The following IGF1R variants were observed in gnomAD, a reference collection of about 807,000 sequenced individuals.
IGF1R encodes the protein insulin like growth factor 1 receptor.
Under a neutral mutation model 144.6 loss-of-function variants are expected in IGF1R, and 44 were observed. The ratio of observed to expected loss-of-function variants is 0.30; its 90% confidence interval spans 0.24 to 0.39. The LOEUF is 0.39. Among genes scored for constraint, IGF1R ranks in the 10% least tolerant of loss-of-function variants. The pLI is 1.00. For synonymous variants in IGF1R, 795 were observed against 722.8 expected, an observed-to-expected ratio of 1.10 and a Z score of -1.60; for missense variants, 1,355 against 1,833.7, an observed-to-expected ratio of 0.74 and a Z score of 4.77.
intron 8 of IGF1R, among the ~76,000 whole-genome samples, chr15:98,915,510 C>T (rs552504392): frequency 1.3e-5 from 2 of 152,316 alleles, no homozygotes; most frequent in Non-Finnish European, 2.9e-5. Context: ...CTTCCTCTTT[C>T]CATTTGGCTT....
At chr15:98,889,036 A>G (rs1262772728) in intron 2 of IGF1R, among the ~76,000 whole-genome samples, 1 of 152,172 alleles carries the variant, frequency 6.6e-6, no homozygotes, top group African/African-American at 2.4e-5. Context: ...AGTTCCAGTC[A>G]CAACGTTTGT....
At chr15:98,915,237 C>T (rs906224781) in intron 8 of IGF1R, among the ~76,000 whole-genome samples, 5 of 152,230 alleles carry the variant, frequency 3.3e-5, no homozygotes, top group African/African-American at 1.2e-4. Flanking sequence ...ATAAGTAAAG[C>T]TTGATCAGAT....
intron 2 of IGF1R, among the ~76,000 whole-genome samples, chr15:98,711,264 TC>T (rs1360271099): frequency 6.6e-6 from 1 of 152,176 alleles, no homozygotes; most frequent in Admixed American, 6.5e-5. Context: ...CACAGAAGAA[TC>T]CCATTCAGGT....
chr15:98,865,989 G>C (rs1465119074), intron 2 of IGF1R, among the ~76,000 whole-genome samples: 1 of 152,252 alleles, frequency 6.6e-6, no homozygotes, highest in Non-Finnish European at 1.5e-5. Context: ...GGCTCCCAGA[G>C]TAGATACAAC....
At chr15:98,737,824 CCTCT>C (rs150373687) in intron 2 of IGF1R, among the ~76,000 whole-genome samples, 1 of 150,752 alleles carries the variant, frequency 6.6e-6, no homozygotes. Flanking sequence ...GTCTTCTGTG[CCTCT>C]CTCTCTCTCT....
chr15:98,837,717 A>G (rs548713447), intron 2 of IGF1R, among the ~76,000 whole-genome samples: 21 of 152,282 alleles, frequency 1.4e-4, no homozygotes, highest in African/African-American at 4.8e-4. Flanking sequence ...CCATGCTTTA[A>G]TGGCAATTTT....
intron 1 of IGF1R, among the ~76,000 whole-genome samples, chr15:98,695,325 A>G (rs559255361): frequency 6.6e-6 from 1 of 152,070 alleles, no homozygotes; most frequent in East Asian, 1.9e-4. Flanking sequence ...AGAGGTTTCT[A>G]CTCTCAGAGG....
At chr15:98,666,736 C>CT (rs1307975692) in intron 1 of IGF1R, among the ~76,000 whole-genome samples, 1 of 151,640 alleles carries the variant, frequency 6.6e-6, no homozygotes, top group Non-Finnish European at 1.5e-5. Flanking sequence ...TGAATAGAGG[C>CT]TGGGGGGAGG....
rs1555457179 is a variant in IGF1R at position 98,888,438 on chromosome 15, A to AGAGAGTGTGTGTGTGTGTGTGT, written c.641-2886_641-2885insAGAGTGTGTGTGTGTGTGTGTG. Among the ~76,000 whole-genome samples the AGAGAGTGTGTGTGTGTGTGTGT allele has an allele frequency of 1.7e-3, 246 of 143,432 alleles. 1 individual carries two copies. Among genetic ancestry groups the AGAGAGTGTGTGTGTGTGTGTGT allele is most frequent in the African/African-American group, 6.0e-3 (233 of 38,758 alleles). 94.1% of individuals were successfully genotyped at this position (143,432 alleles called of 152,430 possible). On this transcript the variant is annotated intron_variant, in intron 2 of 20. Coordinates refer to ENST00000650285, the MANE Select transcript of IGF1R (RefSeq NM_000875.5). ...TGGGGGTTTGATGAGAGAGAGAGAG[A>AGAGAGTGTGTGTGTGTGTGTGT]GTGTGTGTGTGTGTGTGTGTGTGTG...
chr15:98,831,332 C>T (rs1194348033), intron 2 of IGF1R, among the ~76,000 whole-genome samples: 2 of 152,226 alleles, frequency 1.3e-5, no homozygotes, highest in Non-Finnish European at 2.9e-5. Context: ...TCTCACCACC[C>T]ACCTGCCAGT....
At chr15:98,665,850 C>T (rs1345077732) in intron 1 of IGF1R, among the ~76,000 whole-genome samples, 4 of 152,186 alleles carry the variant, frequency 2.6e-5, no homozygotes, top group Middle Eastern at 3.2e-3. Context: ...CTCCCTGGAT[C>T]GCACAAGGTC....
intron 2 of IGF1R, among the ~76,000 whole-genome samples, chr15:98,798,944 G>A (rs897083848): frequency 5.3e-5 from 8 of 152,118 alleles, no homozygotes; most frequent in African/African-American, 1.9e-4. Flanking sequence ...TATAAATGAA[G>A]AAACTGAGGC....
chr15:98,735,082 T>G (rs2054581175), intron 2 of IGF1R, among the ~76,000 whole-genome samples: 1 of 152,164 alleles, frequency 6.6e-6, no homozygotes, highest in African/African-American at 2.4e-5. Flanking sequence ...ACCCACAAGT[T>G]CCGAAGCTGG....
At chr15:98,721,182 A>G (rs922815740) in intron 2 of IGF1R, among the ~76,000 whole-genome samples, 2 of 152,046 alleles carry the variant, frequency 1.3e-5, no homozygotes, top group Non-Finnish European at 2.9e-5. Flanking sequence ...AAGCCCCCCA[A>G]ATCTTCCTTA....
intron 2 of IGF1R, among the ~76,000 whole-genome samples, chr15:98,747,548 AT>A (rs2054900305): frequency 2.6e-5 from 4 of 152,204 alleles, no homozygotes; most frequent in Admixed American, 1.3e-4. Flanking sequence ...GATTAATTGA[AT>A]ATAGGTTATT....
chr15:98,877,106 T>C (rs957161347), intron 2 of IGF1R, among the ~76,000 whole-genome samples: 5 of 152,230 alleles, frequency 3.3e-5, no homozygotes, highest in Non-Finnish European at 5.9e-5. Flanking sequence ...TCAAGGTTAC[T>C]GATCTGTAGC....
chr15:98,930,226 T>G lies in IGF1R; in HGVS notation c.2886-9T>G. The stretch of plus-strand genomic sequence containing the variant: ...GGTTTTGTTAACGTGAATTTAATCT[T>G]TTTGACAGAAATAACAGCAGGCTGG... On this transcript the variant is annotated splice_polypyrimidine_tract_variant and intron_variant, in intron 14 of 20. Coordinates refer to ENST00000650285, the MANE Select transcript of IGF1R (RefSeq NM_000875.5). 6.2e-7 allele frequency: 1 copy of G among 1,609,956 alleles called. No homozygotes were observed. The highest frequency in any genetic ancestry group is 8.5e-7 in the Non-Finnish European group (1 of 1,176,482).
chr15:98,691,489 G>A (rs1473101845), intron 1 of IGF1R, among the ~76,000 whole-genome samples: 3 of 151,256 alleles, frequency 2.0e-5, no homozygotes, highest in Admixed American at 6.6e-5. Flanking sequence ...TCAGCCTCCC[G>A]AGTAGCTGGG....
chr15:98,685,271 A>G (rs1437889127), intron 1 of IGF1R, among the ~76,000 whole-genome samples: 3 of 152,112 alleles, frequency 2.0e-5, no homozygotes, highest in East Asian at 1.9e-4. Context: ...AAGAAGAATG[A>G]TGCTGTGCTT....
Sources: gnomAD v4.1 joint callset for allele counts (sites outside exome capture counted in the v4.1 genomes callset) on GRCh38, gnomAD v4.1.1 for gene constraint, MANE v1.5 for transcripts, NCBI Gene and HGNC (gene_info 2026-07-23, HGNC 2026-07-21) for gene names.